Variants in ARHGAP26 observed in about 807,000 individuals in gnomAD.
ARHGAP26 encodes rho GTPase-activating protein 26.
In ARHGAP26, 38 loss-of-function variants were observed where a neutral mutation model predicts 104.8. The ratio of observed to expected loss-of-function variants is 0.36; its 90% CI spans 0.28 to 0.48. The LOEUF (loss-of-function observed/expected upper bound fraction) is 0.48. ARHGAP26 is among the 20% of genes least tolerant of loss of function. The pLI is 0.99. For synonymous variants in ARHGAP26, 341 were observed against 340.0 expected (o/e 1.00, Z -0.03); for missense variants, 704 against 947.9 (o/e 0.74, Z 3.38).
chr5:143,190,516 A>T (rs1805785819), intron 20 of ARHGAP26, among the ~76,000 whole-genome samples: 1 of 152,174 alleles, frequency 6.6e-6, no homozygotes, highest in Non-Finnish European at 1.5e-5. Flanking sequence ...GAATTTTATG[A>T]TCAGCAAAAC....
chr5:143,047,920 G>A (rs1219506217), intron 14 of ARHGAP26, among the ~76,000 whole-genome samples: 2 of 152,034 alleles, frequency 1.3e-5, no homozygotes, highest in African/African-American at 2.4e-5. Flanking sequence ...TTGCAGTGAG[G>A]TAGGAACCTC....
At chr5:143,160,657 T>C (rs554561026) in intron 20 of ARHGAP26, among the ~76,000 whole-genome samples, 13 of 152,160 alleles carry the variant, frequency 8.5e-5, no homozygotes, top group Non-Finnish European at 1.9e-4. Context: ...AGCTAATTTT[T>C]TATTTTTTGT....
At position 143,164,579 on chromosome 5, in the gene ARHGAP26, G is replaced by T. The variant is rs533737451; in HGVS notation, c.1988+17198G>T. 2.0e-5 allele frequency among the ~76,000 whole-genome samples: 3 copies of T among 152,310 alleles called. 1 individual carries two copies. The South Asian group carries it at 6.2e-4, about 32-fold the overall frequency. On this transcript the variant is annotated intron_variant, in intron 20 of 22. Transcript: ENST00000645722. ...TGATTTTTCTACCCTTCTACTAGCA[G>T]CTCTTCTTCCGCCTCCAGGAGTTTA...
chr5:143,123,816 A>G (rs1454485024), intron 18 of ARHGAP26, among the ~76,000 whole-genome samples: 1 of 152,230 alleles, frequency 6.6e-6, no homozygotes, highest in African/African-American at 2.4e-5. Context: ...TGATTGCACC[A>G]CTGCACTCCA....
At chr5:143,118,268 C>T (rs566452450) in intron 17 of ARHGAP26, among the ~76,000 whole-genome samples, 57 of 152,310 alleles carry the variant, frequency 3.7e-4, no homozygotes, top group African/African-American at 1.4e-3. Flanking sequence ...ATATCCCATG[C>T]ATTCTCACAT....
intron 1 of ARHGAP26, among the ~76,000 whole-genome samples, chr5:142,794,031 C>T (rs1760437998): frequency 2.0e-5 from 3 of 152,144 alleles, no homozygotes. Flanking sequence ...TCTGGAAAGC[C>T]CAGTGATGTT....
intron 11 of ARHGAP26, among the ~76,000 whole-genome samples, chr5:142,985,477 T>C (rs1774561409): frequency 6.6e-6 from 1 of 152,168 alleles, no homozygotes; most frequent in Non-Finnish European, 1.5e-5. Context: ...GCTCCATTCA[T>C]GGTAAGCACT....
chr5:143,133,163 T>C (rs541317622), intron 18 of ARHGAP26, among the ~76,000 whole-genome samples: 1 of 152,322 alleles, frequency 6.6e-6, no homozygotes, highest in South Asian at 2.1e-4. Flanking sequence ...TCATGATTTC[T>C]ATCATTTTCT....
intron 12 of ARHGAP26, among the ~76,000 whole-genome samples, chr5:143,036,295 A>G (rs773604930): frequency 2.0e-5 from 3 of 152,222 alleles, no homozygotes; most frequent in Admixed American, 1.3e-4. Context: ...ATCACCGGGT[A>G]ACCAAAACAT....
At position 142,979,161 on chromosome 5, in the gene ARHGAP26, A is replaced by G. The variant is rs367658152; in HGVS notation, c.1108-34919A>G. On this transcript the variant is annotated intron_variant, in intron 11 of 22. Coordinates refer to ENST00000645722, the MANE Select transcript of ARHGAP26 (RefSeq NM_001135608.3). ...GCTAGGTTTGATAATACCATGGTGA[A>G]GATGAAAAAAACGTTATTAGCTTAA... Among the ~76,000 whole-genome samples the G allele has an allele frequency of 2.1e-4, 32 of 152,362 alleles. No homozygotes were observed. The East Asian group carries it at 3.1e-3, about 15-fold the overall frequency.
chr5:143,144,831 T>C (rs543020020), intron 19 of ARHGAP26, among the ~76,000 whole-genome samples: 2 of 152,384 alleles, frequency 1.3e-5, no homozygotes, highest in African/African-American at 4.8e-5. Flanking sequence ...CCTGGAATAA[T>C]CCTCACCTGC....
chr5:142,883,574 T>G (rs1283625405), intron 4 of ARHGAP26, among the ~76,000 whole-genome samples: 2 of 152,074 alleles, frequency 1.3e-5, no homozygotes, highest in East Asian at 1.9e-4. Context: ...ACCAGAGGAG[T>G]GGTATTCTGA....
chr5:143,209,819 T>C lies in ARHGAP26; in HGVS notation c.2099+2511T>C, dbSNP rs536344588. On this transcript the variant is annotated intron_variant, in intron 21 of 22. Coordinates refer to ENST00000645722, the MANE Select transcript of ARHGAP26 (RefSeq NM_001135608.3). ...ATAGTCAAGGCAGAGTTGGACTAAA[T>C]GTGTGTGCCCAGATGAGCACAGACA... is the stretch of plus-strand genomic sequence containing the variant. Among the ~76,000 whole-genome samples the C allele has an allele frequency of 7.3e-5, 11 of 149,864 alleles. No individual in the cohort carries two copies. The Middle Eastern group carries it at 0.011, about 146-fold the overall frequency.
intron 1 of ARHGAP26, among the ~76,000 whole-genome samples, chr5:142,831,902 C>CG (rs1448535316): frequency 6.6e-6 from 1 of 152,140 alleles, no homozygotes; most frequent in Admixed American, 6.5e-5. Flanking sequence ...GCTTGACTGA[C>CG]TCTTGCAATG....
intron 5 of ARHGAP26, among the ~76,000 whole-genome samples, chr5:142,891,561 T>C (rs1429848199): frequency 6.6e-6 from 1 of 151,910 alleles, no homozygotes; most frequent in Non-Finnish European, 1.5e-5. Flanking sequence ...AGGAAGTTTC[T>C]TTTTCTCATG....
chr5:143,117,830 A>C (rs186793651), intron 17 of ARHGAP26, among the ~76,000 whole-genome samples: 1 of 152,360 alleles, frequency 6.6e-6, no homozygotes, highest in Non-Finnish European at 1.5e-5. Context: ...AATCATTTGA[A>C]GTTTAATGAG....
At chr5:142,895,098 A>G (rs1291100797) in intron 6 of ARHGAP26, among the ~76,000 whole-genome samples, 1 of 152,252 alleles carries the variant, frequency 6.6e-6, no homozygotes, top group East Asian at 1.9e-4. Flanking sequence ...AAAATAGTAT[A>G]TGGACCTCAA....
chr5:142,912,005 C>T (rs1219724192), intron 9 of ARHGAP26, among the ~76,000 whole-genome samples: 1 of 152,150 alleles, frequency 6.6e-6, no homozygotes, highest in Admixed American at 6.5e-5. Context: ...CTTATGTAGC[C>T]ACACTTTCTG....
At chr5:143,149,355 G>A (rs1416897848) in intron 20 of ARHGAP26, among the ~76,000 whole-genome samples, 1 of 152,154 alleles carries the variant, frequency 6.6e-6, no homozygotes, top group East Asian at 1.9e-4. Flanking sequence ...GGTTGTTCCT[G>A]AGGTAGAAGC....
Sources: allele counts gnomAD v4.1 joint callset (sites outside exome capture counted in the v4.1 genomes callset), GRCh38; gene constraint gnomAD v4.1.1; transcripts MANE v1.5; gene names NCBI Gene and HGNC (gene_info 2026-07-23, HGNC 2026-07-21).